Variants in TDRD12 observed in about 807,000 individuals in gnomAD.
The protein encoded by TDRD12 is putative ATP-dependent RNA helicase TDRD12.
Under a neutral mutation model 133.5 loss-of-function variants are expected in TDRD12, and 158 were observed. The ratio of observed to expected loss-of-function variants is 1.18; its 90% CI spans 1.04 to 1.35. The LOEUF (loss-of-function observed/expected upper bound fraction) is 1.35, where lower values mean the gene tolerates loss of function less well. TDRD12 is among the 40% of genes most tolerant of loss of function. TDRD12 has a pLI of 0.00. For synonymous variants in TDRD12, 460 were observed against 477.9 expected, an observed-to-expected ratio of 0.96 and a Z score of 0.49; for missense variants, 1,443 against 1,321.3, an observed-to-expected ratio of 1.09 and a Z score of -1.43.
In TDRD12 at chr19:32,757,037, G is replaced by C; in HGVS notation, c.773-1G>C. ...ATTCTGAAATTTATTCTTTCTATCAGATTCACATGGTGTAAATTTTCCGGC... is the reference window on the plus strand; with the variant it reads ...ATTCTGAAATTTATTCTTTCTATCACATTCACATGGTGTAAATTTTCCGGC... On this transcript the variant is annotated splice_acceptor_variant, in intron 7 of 27. Transcript: ENST00000444215. LOFTEE classifies it high-confidence loss of function. 3 of 1,550,872 alleles carry C rather than the reference G, an allele frequency of 1.9e-6. No homozygotes were observed. The highest frequency in any genetic ancestry group is 1.2e-5 in the South Asian group (1 of 84,040).
intron 2 of TDRD12, among the ~76,000 whole-genome samples, chr19:32,738,602 T>G (rs1047479335): frequency 6.6e-6 from 1 of 151,840 alleles, no homozygotes; most frequent in African/African-American, 2.4e-5. Context: ...GATCATGAGG[T>G]AAGGAGTTTG....
chr19:32,744,028 C>CAA (rs1046198554), intron 4 of TDRD12, among the ~76,000 whole-genome samples: 3 of 80,442 alleles, frequency 3.7e-5, no homozygotes, highest in African/African-American at 4.8e-5. Flanking sequence ...AACTCCATCT[C>CAA]AAAAAAAAAA....
chr19:32,797,614 A>T, intron 14 of TDRD12, 121 bp from the exon 15 acceptor site: 1 of 536,368 alleles, frequency 1.9e-6, no homozygotes, highest in South Asian at 3.1e-5. Flanking sequence ...GACCTGTATG[A>T]TGATTATAGC....
At chr19:32,804,280 G>A (rs1254290691) in intron 21 of TDRD12, among the ~76,000 whole-genome samples, 2 of 151,252 alleles carry the variant, frequency 1.3e-5, no homozygotes, top group East Asian at 2.0e-4. Context: ...CACCATGTTA[G>A]CCAGGATGGT....
At chr19:32,725,037 C>T (rs528200729) in intron 1 of TDRD12, among the ~76,000 whole-genome samples, 20 of 152,094 alleles carry the variant, frequency 1.3e-4, no homozygotes, top group East Asian at 3.9e-4. Flanking sequence ...TCTGTTCATG[C>T]GCTTTGCCTA....
chr19:32,775,634 A>G (rs948683487), intron 10 of TDRD12, among the ~76,000 whole-genome samples: 4 of 151,756 alleles, frequency 2.6e-5, no homozygotes, highest in Admixed American at 6.6e-5. Context: ...TGCCCGGCCT[A>G]TATTTCTTGT....
chr19:32,806,979 A>C (rs948154108), intron 21 of TDRD12, among the ~76,000 whole-genome samples: 1 of 152,184 alleles, frequency 6.6e-6, no homozygotes, highest in East Asian at 1.9e-4. Context: ...CTGACTTTTA[A>C]AACGGCAATT....
intron 8 of TDRD12, among the ~76,000 whole-genome samples, chr19:32,762,685 G>C (rs542189580): frequency 6.4e-4 from 98 of 152,280 alleles, no homozygotes; most frequent in African/African-American, 2.2e-3. Context: ...CTGGCCCCTC[G>C]ACTCTGATTT....
chr19:32,802,822 A>G (rs1460575048), intron 20 of TDRD12, 33 bp downstream of exon 20: 1 of 1,535,802 alleles, frequency 6.5e-7, no homozygotes, highest in Non-Finnish European at 8.7e-7. Context: ...TCCATATTCC[A>G]CTGGCATCTT....
chr19:32,773,615 T>C (rs1599566400), intron 10 of TDRD12, 83 bp downstream of exon 10: 1 of 1,275,562 alleles, frequency 7.8e-7, no homozygotes, highest in Non-Finnish European at 1.1e-6. Flanking sequence ...GGGGGATCGC[T>C]TAAGCCCAGG....
downstream of TDRD12, chr19:32,826,021 A>T: frequency 1.1e-6 from 1 of 919,036 alleles, no homozygotes. Context: ...GGTACAAAAA[A>T]GTATATATAT....
intron 13 of TDRD12, among the ~76,000 whole-genome samples, chr19:32,793,325 T>C (rs1012922706): frequency 2.6e-5 from 4 of 152,176 alleles, no homozygotes; most frequent in African/African-American, 9.7e-5. Context: ...CGTACTTCCC[T>C]TCCAACCTTT....
intron 1 of TDRD12, among the ~76,000 whole-genome samples, chr19:32,723,282 G>C (rs1315948281): frequency 6.6e-6 from 1 of 151,168 alleles, no homozygotes; most frequent in Non-Finnish European, 1.5e-5. Flanking sequence ...ACGGAGTCTT[G>C]CTCTGTCCCC....
At chr19:32,720,933 C>T (rs1968636364) in intron 1 of TDRD12, among the ~76,000 whole-genome samples, 1 of 150,888 alleles carries the variant, frequency 6.6e-6, no homozygotes, top group Non-Finnish European at 1.5e-5. Flanking sequence ...TGGAGGAGCG[C>T]GGAATTGGTT....
intron 1 of TDRD12, among the ~76,000 whole-genome samples, chr19:32,721,396 T>C (rs893133592): frequency 9.7e-6 from 1 of 103,288 alleles, no homozygotes; most frequent in Non-Finnish European, 2.1e-5. Context: ...TATTCATTTA[T>C]TTTTTTGAGA....
chr19:32,735,327 A>G (rs1969192538), intron 2 of TDRD12, among the ~76,000 whole-genome samples: 2 of 152,216 alleles, frequency 1.3e-5, no homozygotes, highest in Non-Finnish European at 2.9e-5. Context: ...AGAAAGTTTT[A>G]TTGGTCAGGA....
chr19:32,818,576 G>C (rs1967268635), intron 27 of TDRD12, among the ~76,000 whole-genome samples: 1 of 152,214 alleles, frequency 6.6e-6, no homozygotes, highest in African/African-American at 2.4e-5. Flanking sequence ...AGAAGCTGCT[G>C]GTTTATCAGT....
intron 27 of TDRD12, among the ~76,000 whole-genome samples, 164 bp downstream of exon 27, chr19:32,818,321 G>C (rs1222084341): frequency 6.6e-6 from 1 of 152,198 alleles, no homozygotes; most frequent in Non-Finnish European, 1.5e-5. Flanking sequence ...GAGCGGAGCA[G>C]AACACAGAGA....
intron 14 of TDRD12, among the ~76,000 whole-genome samples, chr19:32,796,923 C>T (rs989232597): frequency 6.6e-6 from 1 of 151,596 alleles, no homozygotes; most frequent in Admixed American, 6.6e-5. Context: ...CAGGAGTTAC[C>T]TGTCGGCTTG....
Sources: allele counts gnomAD v4.1 joint callset (sites outside exome capture counted in the v4.1 genomes callset), GRCh38; gene constraint gnomAD v4.1.1; transcripts MANE v1.5; gene names NCBI Gene and HGNC (gene_info 2026-07-23, HGNC 2026-07-21).